EXOSC7: variants seen among roughly 807,000 people sequenced by gnomAD.
EXOSC7 encodes exosome complex component RRP42.
Under a neutral mutation model 34.3 loss-of-function variants are expected in EXOSC7, and 25 were observed. The observed-to-expected ratio is 0.73, with a 90% confidence interval of 0.53 to 1.02. The LOEUF (loss-of-function observed/expected upper bound fraction) is 1.02, where lower values mean the gene tolerates loss of function less well. EXOSC7 is among the 50% of genes least tolerant of loss of function. The probability of loss-of-function intolerance (pLI) is 0.00; values close to 1 mark genes in which losing one functional copy is unlikely to be tolerated. For synonymous variants in EXOSC7, 130 were observed against 143.0 expected (o/e 0.91, Z 0.65); for missense variants, 370 against 368.5 (o/e 1.00, Z -0.03).
rs1406557024 is a variant in EXOSC7, at chr3:44,976,268, G to C, written c.-10G>C. 2 of 1,554,642 alleles carry C rather than the reference G, an allele frequency of 1.3e-6. No individual in the cohort carries two copies. Among genetic ancestry groups the C allele is most frequent in the South Asian group, 1.2e-5 (1 of 84,526 alleles). On this transcript the variant is annotated 5_prime_UTR_variant, in exon 1 of 8. Coordinates refer to ENST00000265564, the MANE Select transcript of EXOSC7 (RefSeq NM_015004.4). ...CAGATGACGTGCGGCTCGTGGGGCA[G>C]CTCGGCAGCATGGCGTCCGTGACGC... is the stretch of plus-strand genomic sequence containing the variant.
chr3:45,001,455 G>T, intron 4 of EXOSC7, 83 bp from the exon 5 acceptor site: 3 of 977,548 alleles, frequency 3.1e-6, no homozygotes. Context: ...AAAAAAAAAA[G>T]CAGTGTCCTT....
chr3:45,006,618 T>G (rs1423105951), intron 6 of EXOSC7, among the ~76,000 whole-genome samples: 1 of 148,820 alleles, frequency 6.7e-6, no homozygotes, highest in Non-Finnish European at 1.5e-5. Flanking sequence ...GGGTTTCACC[T>G]TGTTAGCCAG....
chr3:45,006,746 A>G (rs2125973552), intron 6 of EXOSC7, among the ~76,000 whole-genome samples: 1 of 151,994 alleles, frequency 6.6e-6, no homozygotes, highest in African/African-American at 2.4e-5. Context: ...TCTGTTGCCC[A>G]GGCTGGAGTG....
intron 1 of EXOSC7, among the ~76,000 whole-genome samples, chr3:44,984,493 C>T (rs1158763635): frequency 6.6e-6 from 1 of 151,508 alleles, no homozygotes; most frequent in Admixed American, 6.6e-5. Flanking sequence ...GAAGAAGCAG[C>T]AGTAGTAAAC....
intron 6 of EXOSC7, among the ~76,000 whole-genome samples, chr3:45,006,652 A>G (rs895984600): frequency 6.9e-6 from 1 of 144,944 alleles, no homozygotes; most frequent in Admixed American, 6.8e-5. Flanking sequence ...TCCTGACCTC[A>G]TGATCTGCCC....
chr3:44,996,617 A>G (rs914782304), intron 3 of EXOSC7, among the ~76,000 whole-genome samples: 11 of 152,182 alleles, frequency 7.2e-5, no homozygotes, highest in African/African-American at 2.4e-4. Context: ...TGTGGTTTTT[A>G]TATTGAGAGT....
At chr3:45,007,014 C>T (rs979587880) in intron 6 of EXOSC7, among the ~76,000 whole-genome samples, 2 of 152,182 alleles carry the variant, frequency 1.3e-5, no homozygotes, top group Admixed American at 6.5e-5. Context: ...GCCGCTGCGC[C>T]CAGCCTTTGG....
intron 6 of EXOSC7, 65 bp from the exon 7 acceptor site, chr3:45,007,355 G>A (rs1170493211): frequency 1.3e-6 from 2 of 1,566,144 alleles, no homozygotes; most frequent in Admixed American, 3.5e-5. Context: ...CCACCACGAG[G>A]CCATCAGGGG....
chr3:44,988,629 C>T (rs1706484500), intron 1 of EXOSC7, among the ~76,000 whole-genome samples: 1 of 152,264 alleles, frequency 6.6e-6, no homozygotes, highest in Non-Finnish European at 1.5e-5. Flanking sequence ...AGTTTGTTGA[C>T]CCTGTTCTAG....
At chr3:45,007,896 G>A (rs1707099479) in intron 7 of EXOSC7, among the ~76,000 whole-genome samples, 1 of 152,232 alleles carries the variant, frequency 6.6e-6, no homozygotes, top group African/African-American at 2.4e-5. Context: ...CTCCAAAAGT[G>A]CAGGCCTTTG....
intron 5 of EXOSC7, chr3:45,002,127 A>C (rs1228073879): frequency 6.6e-6 from 1 of 152,622 alleles, no homozygotes; most frequent in Non-Finnish European, 1.5e-5. Flanking sequence ...TCAGCTTTCC[A>C]AACAGGTTGT....
At chr3:44,988,567 A>C (rs1469482377) in intron 1 of EXOSC7, among the ~76,000 whole-genome samples, 1 of 152,192 alleles carries the variant, frequency 6.6e-6, no homozygotes, top group African/African-American at 2.4e-5. Context: ...TACCTAAACA[A>C]GTGGGCATGG....
At chr3:45,001,460 G>A in intron 4 of EXOSC7, 78 bp from the exon 5 acceptor site, 1 of 1,035,528 alleles carries the variant, frequency 9.7e-7, no homozygotes. Context: ...AAAAAGCAGT[G>A]TCCTTTAACT....
At chr3:45,005,232 TA>T in intron 5 of EXOSC7, 58 bp from the exon 6 acceptor site, 1 of 1,600,846 alleles carries the variant, frequency 6.2e-7, no homozygotes, top group East Asian at 2.2e-5. Context: ...TTCTCAATCT[TA>T]AAAAGAAGTT....
In EXOSC7 at chr3:44,989,556, A is replaced by G; in HGVS notation, c.166A>G (p.Thr56Ala). 1 of 1,613,170 alleles carries G rather than the reference A, an allele frequency of 6.2e-7. No homozygotes were observed. The highest frequency in any genetic ancestry group is 8.5e-7 in the Non-Finnish European group (1 of 1,179,208). ...SGSARVKLGH[T>A]DILVGVKAEM... ...TTCTTGCATGTGTCTGCAGGGTCAC[A>G]CAGACATCTTGGTGGGAGTGAAAGC... Residue 56 changes from threonine (T) to alanine (A), a missense_variant, in exon 3 of 8, where the codon ACA (threonine) becomes GCA (alanine). Physicochemically the swap from Thr to Ala is moderately conservative, Grantham distance 58. Transcript: ENST00000265564.
chr3:44,998,767 TC>T (rs1298359098), intron 4 of EXOSC7, among the ~76,000 whole-genome samples: 1 of 152,236 alleles, frequency 6.6e-6, no homozygotes, highest in Non-Finnish European at 1.5e-5. Flanking sequence ...TTGCTTTTTT[TC>T]CATCTCTGAT....
rs562150700 is a variant in EXOSC7, at chr3:44,981,911, A to AG, written c.57+5582dup. ...AAAAGAAAGAAAAAGAAAAAAGAGAAGGGGGATCTGTGGCAAGAGCTGGAA... is the reference window on the plus strand; with the variant it reads ...AAAAGAAAGAAAAAGAAAAAAGAGAAGGGGGGATCTGTGGCAAGAGCTGGAA... On this transcript the variant is annotated intron_variant, in intron 1 of 7. Transcript: ENST00000265564. Among the ~76,000 whole-genome samples, 910 of 152,270 alleles carry AG rather than the reference A, an allele frequency of 6.0e-3. 8 individuals carry two copies. The highest frequency in any genetic ancestry group is 7.7e-3 in the Non-Finnish European group (527 of 68,016).
At chr3:44,992,530 C>G (rs1044020647) in intron 3 of EXOSC7, among the ~76,000 whole-genome samples, 4 of 152,282 alleles carry the variant, frequency 2.6e-5, no homozygotes, top group Admixed American at 1.3e-4. Flanking sequence ...TGATATAGCC[C>G]TCACAGCCCT....
intron 1 of EXOSC7, among the ~76,000 whole-genome samples, chr3:44,984,138 A>G (rs1172689040): frequency 6.6e-6 from 1 of 152,138 alleles, no homozygotes; most frequent in Non-Finnish European, 1.5e-5. Flanking sequence ...TTCACTACAA[A>G]GAGGTGTGAC....
Sources: allele counts gnomAD v4.1 joint callset (sites outside exome capture counted in the v4.1 genomes callset), GRCh38; gene constraint gnomAD v4.1.1; transcripts MANE v1.5; gene names NCBI Gene and HGNC (gene_info 2026-07-23, HGNC 2026-07-21).